The following ERBB4 variants were observed in gnomAD, a reference collection of about 807,000 sequenced individuals.
ERBB4 encodes erb-b2 receptor tyrosine kinase 4.
ERBB4 carries 42 observed loss-of-function variants against 158.0 expected under a neutral mutation model. The observed-to-expected ratio is 0.27, with a 90% CI of 0.21 to 0.34. The LOEUF (loss-of-function observed/expected upper bound fraction) is 0.34, where lower values mean the gene tolerates loss of function less well. Among genes scored for constraint, ERBB4 ranks in the 10% least tolerant of loss-of-function variants. The probability of loss-of-function intolerance (pLI) is 1.00; values close to 1 mark genes in which losing one functional copy is unlikely to be tolerated. For missense variants in ERBB4, 1,333 were observed against 1,624.1 expected, an observed-to-expected ratio of 0.82 and a Z score of 3.08; for synonymous variants, 583 against 558.7, an observed-to-expected ratio of 1.04 and a Z score of -0.61.
At chr2:211,709,384 C>G (rs183582899) in intron 9 of ERBB4, among the ~76,000 whole-genome samples, 1 of 150,868 alleles carries the variant, frequency 6.6e-6, no homozygotes, top group East Asian at 2.0e-4. Flanking sequence ...TGAACCAAGA[C>G]TAAAATAACT....
intron 5 of ERBB4, among the ~76,000 whole-genome samples, chr2:211,743,440 G>A (rs1311515689): frequency 1.3e-5 from 2 of 152,216 alleles, no homozygotes; most frequent in South Asian, 2.1e-4. Context: ...GGAGACTGGA[G>A]AGAGCTGGCC....
intron 1 of ERBB4, among the ~76,000 whole-genome samples, chr2:212,192,008 A>ATATGTTATATATGT (rs1559707043): frequency 2.7e-4 from 18 of 65,950 alleles, no homozygotes; most frequent in Admixed American, 6.2e-4. Flanking sequence ...GTTATATATA[A>ATATGTTATATATGT]TATATGTTAT....
intron 1 of ERBB4, among the ~76,000 whole-genome samples, chr2:212,239,936 C>T (rs2084021261): frequency 6.6e-6 from 1 of 152,106 alleles, no homozygotes; most frequent in African/African-American, 2.4e-5. Context: ...AACTAATACA[C>T]AAAGAAGTAA....
chr2:211,401,970 T>C (rs2063052784), intron 25 of ERBB4, among the ~76,000 whole-genome samples: 1 of 151,618 alleles, frequency 6.6e-6, no homozygotes, highest in Non-Finnish European at 1.5e-5. Flanking sequence ...AGCACAATTA[T>C]AATTTATCAT....
chr2:212,326,746 T>C lies in ERBB4; in HGVS notation c.83-201843A>G, dbSNP rs529067898. Among the ~76,000 whole-genome samples, 5 of 151,032 alleles carry C rather than the reference T, an allele frequency of 3.3e-5. No individual in the cohort carries two copies. In the East Asian group the frequency reaches 9.7e-4, roughly 29 times the overall value. ...CACAGCTGCGTTTGTTCCTTCATCTTGTTCAGCAACCTTTGGTAAGAAACT... is the reference window on the plus strand; with the variant it reads ...CACAGCTGCGTTTGTTCCTTCATCTCGTTCAGCAACCTTTGGTAAGAAACT... On this transcript the variant is annotated intron_variant, in intron 1 of 27. Transcript: ENST00000342788.
Position 211,519,838 on chromosome 2 carries a change from CA to C in ERBB4, c.2487+42064del, listed in dbSNP as rs138726610. Among the ~76,000 whole-genome samples the C allele has an allele frequency of 7.4e-3, 1,131 of 152,208 alleles. 40 individuals carry two copies. Among genetic ancestry groups the C allele is most frequent in the Admixed American group, 0.052 (794 of 15,284 alleles). On this transcript the variant is annotated intron_variant, in intron 20 of 27. Coordinates refer to ENST00000342788, the MANE Select transcript of ERBB4 (RefSeq NM_005235.3). ...TCCTGGTTTAGCTAAACTAGAAATA[CA>C]AAAACACTGTTATCGAAAAGAGCTA...
At chr2:212,190,042 C>T (rs2082138775) in intron 1 of ERBB4, among the ~76,000 whole-genome samples, 2 of 152,112 alleles carry the variant, frequency 1.3e-5, no homozygotes, top group Non-Finnish European at 2.9e-5. Flanking sequence ...AATAAAATTT[C>T]CATAGGCATA....
At chr2:212,505,199 C>T (rs568385171) in intron 1 of ERBB4, among the ~76,000 whole-genome samples, 48 of 152,236 alleles carry the variant, frequency 3.2e-4, no homozygotes, top group African/African-American at 1.1e-3. Flanking sequence ...CGGGTTCAAG[C>T]GATTCTCCTG....
At chr2:212,140,725 A>G (rs1473758050) in intron 1 of ERBB4, among the ~76,000 whole-genome samples, 1 of 151,376 alleles carries the variant, frequency 6.6e-6, no homozygotes, top group African/African-American at 2.4e-5. Context: ...TATCTAAAAT[A>G]AAAGTAAAAA....
At chr2:211,644,815 C>T (rs1477512723) in intron 16 of ERBB4, among the ~76,000 whole-genome samples, 1 of 151,894 alleles carries the variant, frequency 6.6e-6, no homozygotes, top group Non-Finnish European at 1.5e-5. Context: ...TTTAAATTTG[C>T]TAAATGAAGT....
At chr2:212,276,718 A>G (rs1232384169) in intron 1 of ERBB4, among the ~76,000 whole-genome samples, 1 of 151,842 alleles carries the variant, frequency 6.6e-6, no homozygotes, top group Non-Finnish European at 1.5e-5. Context: ...GAAAATTACT[A>G]TGAAACAAAG....
At chr2:211,889,502 C>G (rs1279890341) in intron 3 of ERBB4, among the ~76,000 whole-genome samples, 1 of 151,766 alleles carries the variant, frequency 6.6e-6, no homozygotes, top group Non-Finnish European at 1.5e-5. Context: ...CTCTCCTCCT[C>G]CAAAGGAACG....
chr2:212,035,919 G>A (rs1004331978), intron 2 of ERBB4, among the ~76,000 whole-genome samples: 1 of 152,094 alleles, frequency 6.6e-6, no homozygotes, highest in African/African-American at 2.4e-5. Context: ...TTACTCCTAT[G>A]CTTTTGATTT....
chr2:212,084,576 G>A (rs1575610322), intron 2 of ERBB4, among the ~76,000 whole-genome samples: 1 of 151,882 alleles, frequency 6.6e-6, no homozygotes, highest in Non-Finnish European at 1.5e-5. Context: ...ATTACCCATG[G>A]GGAAAGACAT....
At chr2:212,532,309 G>A (rs1560572194) in intron 1 of ERBB4, among the ~76,000 whole-genome samples, 1 of 152,206 alleles carries the variant, frequency 6.6e-6, no homozygotes, top group Non-Finnish European at 1.5e-5. Flanking sequence ...AACAGTGAAA[G>A]GAAAGTGAGG....
At chr2:212,074,044 A>G (rs544998529) in intron 2 of ERBB4, among the ~76,000 whole-genome samples, 2 of 152,158 alleles carry the variant, frequency 1.3e-5, no homozygotes, top group African/African-American at 4.8e-5. Flanking sequence ...AAGAAAGCAC[A>G]CATGGACTTG....
At chr2:211,899,920 A>C (rs758798536) in intron 3 of ERBB4, among the ~76,000 whole-genome samples, 3 of 152,170 alleles carry the variant, frequency 2.0e-5, no homozygotes, top group Non-Finnish European at 4.4e-5. Flanking sequence ...AAATTGGAAT[A>C]AACGGAAAGG....
chr2:211,708,289 T>C (rs1190704756), intron 9 of ERBB4, among the ~76,000 whole-genome samples: 2 of 152,244 alleles, frequency 1.3e-5, no homozygotes, highest in Non-Finnish European at 2.9e-5. Context: ...TTCATTTATA[T>C]GTTTGTCCTG....
At chr2:212,017,254 AT>A (rs1204326586) in intron 2 of ERBB4, among the ~76,000 whole-genome samples, 1 of 152,134 alleles carries the variant, frequency 6.6e-6, no homozygotes, top group Admixed American at 6.5e-5. Flanking sequence ...TTCTTAAAAA[AT>A]AAGTGGTATA....
Sources: gnomAD v4.1 joint callset for allele counts (sites outside exome capture counted in the v4.1 genomes callset) on GRCh38, gnomAD v4.1.1 for gene constraint, MANE v1.5 for transcripts, NCBI Gene and HGNC (gene_info 2026-07-23, HGNC 2026-07-21) for gene names.